The following C17orf58 variants were observed in gnomAD, a reference collection of about 807,000 sequenced individuals.
C17orf58 encodes the protein UPF0450 protein C17orf58.
A neutral mutation model predicts 7.4 loss-of-function variants in C17orf58; 5 were observed. That is an observed-to-expected ratio of 0.67 (90% CI 0.35 to 1.42). The LOEUF (loss-of-function observed/expected upper bound fraction) is 1.42. Among genes scored for constraint, C17orf58 ranks in the 40% most tolerant of loss-of-function variants. The probability of loss-of-function intolerance (pLI) is 0.04; values close to 1 mark genes in which losing one functional copy is unlikely to be tolerated. For synonymous variants in C17orf58, 60 were observed against 70.6 expected, an observed-to-expected ratio of 0.85 and a Z score of 0.75; for missense variants, 162 against 174.2, an observed-to-expected ratio of 0.93 and a Z score of 0.40.
chr17:67,993,251 A>G lies in C17orf58; in HGVS notation c.638-16T>C, dbSNP rs2070855316. The G allele has an allele frequency of 1.4e-6, 2 of 1,470,990 alleles. No individual in the cohort carries two copies. Among genetic ancestry groups the G allele is most frequent in the Non-Finnish European group, 1.9e-6 (2 of 1,079,104 alleles). 91.1% of individuals were successfully genotyped at this position (1,470,990 alleles called of 1,614,324 possible). A position where few individuals can be genotyped will look rare whatever the true frequency, so the allele number is the denominator to read the frequency against. On this transcript the variant is annotated splice_polypyrimidine_tract_variant and intron_variant, in intron 2 of 3. Transcript: ENST00000580729. The surrounding 1 kb of genome is among the most constrained non-coding windows in gnomAD (Gnocchi z 5.1). ...CCGTTCACCGCTGCTTCCGAAAAAC[A>G]GTTTGGAGAAGAGCATTACCCCGAG... is the stretch of plus-strand genomic sequence containing the variant.
At chr17:67,992,958 G>A (rs377529814) in intron 3 of C17orf58, 86 bp downstream of exon 3, 295 of 1,614,170 alleles carry the variant, frequency 1.8e-4, no homozygotes, top group Middle Eastern at 3.3e-4. Context: ...AAAAGGCTGG[G>A]CGACCTACAG....
chr17:67,993,541 T>C lies in C17orf58; in HGVS notation c.520A>G (p.Ser174Gly). ...GGCGGGCTGAGGCCGAAGCTGAGGC[T>C]GAAGCGCGGCGGCGGCGCGGGCGCG... is the stretch of plus-strand genomic sequence containing the variant. ...GPAPAPPPRFSLSFGLSPPQR... is the reference protein window; with the variant it reads ...GPAPAPPPRFGLSFGLSPPQR... The change falls in exon 2 of 4, where the codon AGC becomes GGC. Residue 174 changes from serine (S) to glycine (G), a missense_variant. By Grantham distance (56) the Ser-to-Gly change is moderately conservative. Transcript: ENST00000580729. This position sits in a 1 kb window ranked among gnomAD's most constrained non-coding sequence, Gnocchi z 5.1. 1 of 354,900 alleles carries C rather than the reference T, an allele frequency of 2.8e-6. No individual in the cohort carries two copies. The highest frequency in any genetic ancestry group is 5.0e-6 in the Non-Finnish European group (1 of 199,206). The allele number at this position is 354,900 out of a possible 1,614,324, so 22.0% of individuals were successfully genotyped here. A position where few individuals can be genotyped will look rare whatever the true frequency, so the allele number is the denominator to read the frequency against.
At chr17:67,995,537 A>G (rs2070884941) in intron 1 of C17orf58, among the ~76,000 whole-genome samples, 1 of 152,274 alleles carries the variant, frequency 6.6e-6, no homozygotes, top group Non-Finnish European at 1.5e-5. Context: ...GATCCCCCAG[A>G]GAACCCCTCA....
intron 1 of C17orf58, among the ~76,000 whole-genome samples, chr17:67,995,506 A>G (rs1298752479): frequency 6.6e-6 from 1 of 152,254 alleles, no homozygotes; most frequent in African/African-American, 2.4e-5. Context: ...GAACATCCAA[A>G]TAAAAGCAAA....
chr17:67,992,938 C>G, intron 3 of C17orf58, 106 bp downstream of exon 3: 3 of 1,614,092 alleles, frequency 1.9e-6, no homozygotes, highest in Non-Finnish European at 1.7e-6. Context: ...TGTTTCCCAT[C>G]GCTCCCAAAA....
chr17:67,994,393 A>G (rs2070871478), intron 1 of C17orf58, among the ~76,000 whole-genome samples: 1 of 151,298 alleles, frequency 6.6e-6, no homozygotes, highest in South Asian at 2.1e-4. Flanking sequence ...ACAACCCCCT[A>G]TTTACTCTAA....
chr17:67,991,793 A>G lies in C17orf58; in HGVS notation c.*120T>C. ...GATTACAGTTGCAGCTATGCAAGTC[A>G]TTCACAGAGTAGCTGAGGGCTCTCT... On this transcript the variant is annotated 3_prime_UTR_variant, in exon 4 of 4. Coordinates refer to ENST00000580729, the MANE Select transcript of C17orf58 (RefSeq NM_001382359.1). 1 of 775,936 alleles carries G rather than the reference A, an allele frequency of 1.3e-6. No individual in the cohort carries two copies. The highest frequency in any genetic ancestry group is 2.0e-6 in the Non-Finnish European group (1 of 490,170). 48.1% of individuals were successfully genotyped at this position (775,936 alleles called of 1,614,324 possible). A position where few individuals can be genotyped will look rare whatever the true frequency, so the allele number is the denominator to read the frequency against.
chr17:67,993,233 C>T lies in C17orf58; in HGVS notation c.640G>A (p.Val214Met). Residue 214 changes from valine to methionine, a missense_variant and splice_region_variant, in exon 3 of 4, where the codon GTG becomes ATG. Val to Met is a conservative substitution (Grantham distance 21, BLOSUM62 1). Coordinates refer to ENST00000580729, the MANE Select transcript of C17orf58 (RefSeq NM_001382359.1). This position sits in a 1 kb window ranked among gnomAD's most constrained non-coding sequence, Gnocchi z 5.1. ...REAFCESEFA[V>M]NGIVHDVDVL... ...TCCACATCGTGCACGATCCCGTTCA[C>T]CGCTGCTTCCGAAAAACAGTTTGGA... 1 of 1,542,250 alleles carries T rather than the reference C, an allele frequency of 6.5e-7. No homozygotes were observed. Among genetic ancestry groups the T allele is most frequent in the Non-Finnish European group, 8.8e-7 (1 of 1,130,488 alleles).
At chr17:67,994,510 G>GTATATATATATATATATATA (rs1291189426) in intron 1 of C17orf58, among the ~76,000 whole-genome samples, 148 of 71,336 alleles carry the variant, frequency 2.1e-3, no homozygotes, top group Middle Eastern at 6.4e-3. Flanking sequence ...GTGTGTGTGT[G>GTATATATATATATATATATA]TGTGTGTATA....
rs1413918104 is a variant in C17orf58 at position 67,993,913 on chromosome 17, C to T, written c.148G>A (p.Ala50Thr). The T allele has an allele frequency of 2.6e-6, 1 of 391,792 alleles. No individual in the cohort carries two copies. 24.3% of individuals were successfully genotyped at this position (391,792 alleles called of 1,614,324 possible). A position where few individuals can be genotyped will look rare whatever the true frequency, so the allele number is the denominator to read the frequency against. Reference protein sequence around the residue: ...PSAEETPGPRAQPLLEAPQRP... With the variant: ...PSAEETPGPRTQPLLEAPQRP... ...TGCGGGGCCTCAAGGAGTGGCTGCG[C>T]GCGGGGCCCCGGTGTCTCCTCCGCG... is the stretch of plus-strand genomic sequence containing the variant. The change falls in exon 2 of 4, where the codon GCG becomes ACG. Residue 50 changes from alanine to threonine, a missense_variant. By Grantham distance (58) the Ala-to-Thr change is moderately conservative. Transcript: ENST00000580729. The surrounding 1 kb of genome is among the most constrained non-coding windows in gnomAD (Gnocchi z 5.1).
rs1270794453 is a variant in C17orf58 at position 67,991,843 on chromosome 17, A to AG, written c.*69dup. 79 of 1,343,494 alleles carry AG rather than the reference A, an allele frequency of 5.9e-5. 1 individual carries two copies. Among genetic ancestry groups the AG allele is most frequent in the Non-Finnish European group, 5.7e-5 (55 of 970,874 alleles). 83.2% of individuals were successfully genotyped at this position (1,343,494 alleles called of 1,614,324 possible). A position where few individuals can be genotyped will look rare whatever the true frequency, so the allele number is the denominator to read the frequency against. ...TTCTGAAGGAGGACCCATTACATGA[A>AG]GGTAGACCTTTCATGTCTTGTTGCC... On this transcript the variant is annotated 3_prime_UTR_variant, in exon 4 of 4. Coordinates refer to ENST00000580729, the MANE Select transcript of C17orf58 (RefSeq NM_001382359.1).
At position 67,996,209 on chromosome 17, in the gene C17orf58, A is replaced by G. The variant is rs2070890473; in HGVS notation, c.-11T>C. On this transcript the variant is annotated 5_prime_UTR_variant, in exon 1 of 4. Transcript: ENST00000580729. Reference sequence around the variant, plus strand: ...AGCTCTAGCTGTCATTTTTGCAGACAGGGTTCCCAGGCTCTAAAAGTGAGC... The same window carrying G: ...AGCTCTAGCTGTCATTTTTGCAGACGGGGTTCCCAGGCTCTAAAAGTGAGC... 7.5e-6 allele frequency: 3 copies of G among 398,898 alleles called. No homozygotes were observed. Among genetic ancestry groups the G allele is most frequent in the South Asian group, 1.3e-4 (1 of 7,864 alleles). The allele number at this position is 398,898 out of a possible 1,614,324, so 24.7% of individuals were successfully genotyped here.
At position 67,993,055 on chromosome 17, in the gene C17orf58, T is replaced by A. The variant is rs192574029; in HGVS notation, c.818A>T (p.Glu273Val). 1 of 1,614,178 alleles carries A rather than the reference T, an allele frequency of 6.2e-7. No individual in the cohort carries two copies. Among genetic ancestry groups the A allele is most frequent in the East Asian group, 2.2e-5 (1 of 44,878 alleles). Reference protein sequence around the residue: ...DSSSCNKPCPEFKPGSRYIVM... With the variant: ...DSSSCNKPCPVFKPGSRYIVM... ...GTCAGTTTCAATACCAGGTTTAAAC[T>A]CTGGACACGGCTTATTGCAGCTGGA... is the stretch of plus-strand genomic sequence containing the variant. Residue 273 changes from glutamate to valine, a missense_variant, in exon 3 of 4, where the codon GAG becomes GTG. Coordinates refer to ENST00000580729, the MANE Select transcript of C17orf58 (RefSeq NM_001382359.1). This position sits in a 1 kb window ranked among gnomAD's most constrained non-coding sequence, Gnocchi z 5.1.
In C17orf58 at chr17:67,993,575, G is replaced by A. The variant is rs1211735059; in HGVS notation, c.486C>T (p.Ala162=). The A allele has an allele frequency of 1.0e-5, 2 of 197,264 alleles. No individual in the cohort carries two copies. The highest frequency in any genetic ancestry group is 2.0e-5 in the Non-Finnish European group (2 of 99,904). 12.2% of individuals were successfully genotyped at this position (197,264 alleles called of 1,614,324 possible). The part of the protein sequence containing the change: ...HPNRPRAAAL[A]PGPAPAPPPR... ...GCGGCGGCGCGGGCGCGGGTCCCGG[G>A]GCCAGCGCGGCGGCGCGCGGCCGGT... Residue 162 remains alanine (A), a synonymous_variant, in exon 2 of 4, where the codon GCC becomes GCT. Transcript: ENST00000580729. The surrounding 1 kb of genome is among the most constrained non-coding windows in gnomAD (Gnocchi z 5.1).
chr17:67,992,706 C>G (rs1205671386), intron 3 of C17orf58, among the ~76,000 whole-genome samples: 7 of 152,048 alleles, frequency 4.6e-5, no homozygotes, highest in African/African-American at 1.7e-4. Flanking sequence ...CCGCTACCAA[C>G]CCCACATACA....
intron 1 of C17orf58, among the ~76,000 whole-genome samples, chr17:67,994,536 A>ATATATATATATATATATATATATATAT (rs1555699626): frequency 2.5e-5 from 2 of 79,726 alleles, no homozygotes; most frequent in Non-Finnish European, 6.2e-5. Context: ...ATATATATAT[A>ATATATATATATATATATATATATATAT]AAACATATAT....
chr17:67,995,805 G>A (rs2070887014), intron 1 of C17orf58, among the ~76,000 whole-genome samples: 2 of 152,248 alleles, frequency 1.3e-5, no homozygotes, highest in African/African-American at 4.8e-5. Context: ...GCTCCCGAAA[G>A]GCGCGCCACG....
chr17:67,993,928 TCTC>T lies in C17orf58; in HGVS notation c.130_132del (p.Glu44del), dbSNP rs1167399094. The T allele has an allele frequency of 2.3e-5, 9 of 393,232 alleles. No homozygotes were observed. Among genetic ancestry groups the T allele is most frequent in the African/African-American group, 1.7e-4 (8 of 47,616 alleles). 24.4% of individuals were successfully genotyped at this position (393,232 alleles called of 1,614,324 possible). On this transcript the variant is annotated inframe_deletion, in exon 2 of 4. Coordinates refer to ENST00000580729, the MANE Select transcript of C17orf58 (RefSeq NM_001382359.1). This position sits in a 1 kb window ranked among gnomAD's most constrained non-coding sequence, Gnocchi z 5.1. ...AGTGGCTGCGCGCGGGGCCCCGGTG[TCTC>T]CTCCGCGCTCGGGCAGCCGCGGGAG...
In C17orf58 at chr17:67,991,613, T is replaced by C. The variant is rs528674320; in HGVS notation, c.*300A>G. 5.2e-6 allele frequency: 1 copy of C among 193,022 alleles called. No homozygotes were observed. The highest frequency in any genetic ancestry group is 2.3e-5 in the African/African-American group (1 of 43,256). The allele number at this position is 193,022 out of a possible 1,614,324, so 12.0% of individuals were successfully genotyped here. ...TAAAGAATATTAAATTAAAATAATT[T>C]AAAAACTTATGAAGCAATGATCTGT... On this transcript the variant is annotated 3_prime_UTR_variant, in exon 4 of 4. Coordinates refer to ENST00000580729, the MANE Select transcript of C17orf58 (RefSeq NM_001382359.1).
Sources: allele counts gnomAD v4.1 joint callset (sites outside exome capture counted in the v4.1 genomes callset), GRCh38; gene constraint gnomAD v4.1.1; non-coding constraint Gnocchi (gnomAD v3.1); transcripts MANE v1.5; gene names NCBI Gene and HGNC (gene_info 2026-07-23, HGNC 2026-07-21).